The following GRAMD1B variants were observed in gnomAD, a reference collection of about 807,000 sequenced individuals.
GRAMD1B encodes the protein GRAM domain containing 1B.
A neutral mutation model predicts 99.7 loss-of-function variants in GRAMD1B; 37 were observed. That is an observed-to-expected ratio of 0.37 (90% CI 0.29 to 0.49). The LOEUF (loss-of-function observed/expected upper bound fraction) is 0.49. Ranked by LOEUF, GRAMD1B falls within the 20% of genes least tolerant of loss-of-function variation. GRAMD1B has a pLI of 0.98. For synonymous variants in GRAMD1B, 427 were observed against 387.6 expected, an observed-to-expected ratio of 1.10 and a Z score of -1.19; for missense variants, 888 against 1,009.2, an observed-to-expected ratio of 0.88 and a Z score of 1.63.
chr11:123,623,687 C>T lies in GRAMD1B; in HGVS notation c.*1092C>T, dbSNP rs566867305. ...CTCATTTGCTCTTTGAACGAACCAA[C>T]ATTAGCCAGTGGAGACGACTGTCTG... On this transcript the variant is annotated 3_prime_UTR_variant, in exon 20 of 20. Coordinates refer to ENST00000635736, the MANE Select transcript of GRAMD1B (RefSeq NM_001387025.1). 6.6e-6 allele frequency: 1 copy of T among 152,364 alleles called. No individual in the cohort carries two copies. Among genetic ancestry groups the T allele is most frequent in the East Asian group, 1.9e-4 (1 of 5,186 alleles). The allele number at this position is 152,364 out of a possible 1,614,324, so 9.4% of individuals were successfully genotyped here.
rs1198825952 is a variant in GRAMD1B, at chr11:123,608,813, C to T, written c.1657+11C>T. On this transcript the variant is annotated intron_variant, in intron 12 of 19. Transcript: ENST00000635736. ...AGCGGCGCTTCTCTGGTCCGTTCTG[C>T]TGGGACTGTACCCCCCATTCCTCCC... is the stretch of plus-strand genomic sequence containing the variant. 1 of 1,509,838 alleles carries T rather than the reference C, an allele frequency of 6.6e-7. No individual in the cohort carries two copies. Among genetic ancestry groups the T allele is most frequent in the Non-Finnish European group, 9.0e-7 (1 of 1,113,062 alleles). The allele number at this position is 1,509,838 out of a possible 1,614,324, so 93.5% of individuals were successfully genotyped here.
At chr11:123,424,453 A>G (rs1948576676) in intron 1 of GRAMD1B, among the ~76,000 whole-genome samples, 1 of 152,050 alleles carries the variant, frequency 6.6e-6, no homozygotes, top group Non-Finnish European at 1.5e-5. Flanking sequence ...ACAACATAGC[A>G]AGACCCTGTC....
chr11:123,437,038 A>G (rs1176396279), intron 1 of GRAMD1B, among the ~76,000 whole-genome samples: 1 of 152,174 alleles, frequency 6.6e-6, no homozygotes, highest in Non-Finnish European at 1.5e-5. Context: ...TTTGCTGAGA[A>G]TGATGGTTTC....
intron 2 of GRAMD1B, among the ~76,000 whole-genome samples, chr11:123,487,845 G>C (rs1938042042): frequency 6.6e-6 from 1 of 152,148 alleles, no homozygotes; most frequent in Admixed American, 6.5e-5. Flanking sequence ...GATTTCAGGG[G>C]ATCTGCCTGC....
At chr11:123,366,460 G>A (rs1946324265) in intron 1 of GRAMD1B, among the ~76,000 whole-genome samples, 2 of 152,232 alleles carry the variant, frequency 1.3e-5, no homozygotes, top group Non-Finnish European at 2.9e-5. Flanking sequence ...TGTAATGCTA[G>A]TACTGGGTTT....
At chr11:123,597,952 T>A in intron 7 of GRAMD1B, 1 of 1,145,452 alleles carries the variant, frequency 8.7e-7, no homozygotes, top group Admixed American at 1.7e-5. Context: ...ACTAGAGCAG[T>A]CCTTGTTTTT....
intron 2 of GRAMD1B, among the ~76,000 whole-genome samples, chr11:123,528,904 A>G (rs1279014410): frequency 6.6e-6 from 1 of 152,070 alleles, no homozygotes; most frequent in East Asian, 1.9e-4. Flanking sequence ...GCCAGGATAC[A>G]CTCTTACGGC....
At chr11:123,544,408 C>G (rs948045405) in intron 2 of GRAMD1B, among the ~76,000 whole-genome samples, 1 of 152,208 alleles carries the variant, frequency 6.6e-6, no homozygotes, top group African/African-American at 2.4e-5. Context: ...CTTCCTAACT[C>G]TTTCTACTCT....
intron 1 of GRAMD1B, among the ~76,000 whole-genome samples, chr11:123,415,985 A>G (rs541339373): frequency 6.6e-6 from 1 of 152,290 alleles, no homozygotes; most frequent in South Asian, 2.1e-4. Flanking sequence ...GTTTTTGTCT[A>G]TTGCATCAGG....
At chr11:123,418,194 A>G (rs1028296219) in intron 1 of GRAMD1B, among the ~76,000 whole-genome samples, 1 of 152,194 alleles carries the variant, frequency 6.6e-6, no homozygotes, top group Non-Finnish European at 1.5e-5. Context: ...TCTAATCAGG[A>G]CTTGCAGACA....
chr11:123,388,120 C>A (rs748843533), intron 1 of GRAMD1B, among the ~76,000 whole-genome samples: 23 of 133,198 alleles, frequency 1.7e-4, no homozygotes, highest in Non-Finnish European at 2.9e-4. Context: ...AAGCGAGACT[C>A]CTCCTCCTCA....
chr11:123,534,389 C>T (rs559989674), intron 2 of GRAMD1B, among the ~76,000 whole-genome samples: 1 of 152,250 alleles, frequency 6.6e-6, no homozygotes, highest in Admixed American at 6.5e-5. Flanking sequence ...AGAAGATTTG[C>T]ACGTATTTGG....
intron 2 of GRAMD1B, among the ~76,000 whole-genome samples, chr11:123,487,248 C>T (rs1219438858): frequency 6.6e-6 from 1 of 152,076 alleles, no homozygotes; most frequent in Non-Finnish European, 1.5e-5. Context: ...CCCAGAGAAA[C>T]ACAGCTACTC....
chr11:123,440,995 A>G (rs929068333), intron 1 of GRAMD1B, among the ~76,000 whole-genome samples: 1 of 152,146 alleles, frequency 6.6e-6, no homozygotes, highest in Non-Finnish European at 1.5e-5. Context: ...CTTGTCTGCC[A>G]CCATGTGAGA....
chr11:123,507,555 T>C (rs1267570648), intron 2 of GRAMD1B, among the ~76,000 whole-genome samples: 3 of 152,220 alleles, frequency 2.0e-5, no homozygotes, highest in Admixed American at 1.3e-4. Flanking sequence ...TATCAGGATA[T>C]ACATCCTTCC....
intron 7 of GRAMD1B, among the ~76,000 whole-genome samples, chr11:123,596,512 G>A (rs1015330895): frequency 6.6e-6 from 1 of 152,208 alleles, no homozygotes; most frequent in African/African-American, 2.4e-5. Context: ...TCAGTATGGG[G>A]AGAATACGTT....
At chr11:123,446,323 G>A (rs1243492802) in intron 1 of GRAMD1B, among the ~76,000 whole-genome samples, 6 of 151,996 alleles carry the variant, frequency 3.9e-5, no homozygotes, top group Admixed American at 1.3e-4. Context: ...GTGCCACCAC[G>A]CCCGGCTAAT....
chr11:123,515,962 T>C (rs1023101063), intron 2 of GRAMD1B, among the ~76,000 whole-genome samples: 11 of 152,078 alleles, frequency 7.2e-5, no homozygotes, highest in Admixed American at 6.6e-4. Flanking sequence ...GAGACGAGGG[T>C]TTCACCATGT....
At chr11:123,379,113 T>A (rs1041429230) in intron 1 of GRAMD1B, among the ~76,000 whole-genome samples, 3 of 152,162 alleles carry the variant, frequency 2.0e-5, no homozygotes, top group Non-Finnish European at 2.9e-5. Flanking sequence ...GTAAAAATAA[T>A]GAGTTATACC....
Sources: allele counts gnomAD v4.1 joint callset (sites outside exome capture counted in the v4.1 genomes callset), GRCh38; gene constraint gnomAD v4.1.1; transcripts MANE v1.5; gene names NCBI Gene and HGNC (gene_info 2026-07-23, HGNC 2026-07-21).